The following SGCD variants were observed in gnomAD, a reference collection of about 807,000 sequenced individuals.
SGCD encodes the protein delta-sarcoglycan.
A neutral mutation model predicts 36.6 loss-of-function variants in SGCD; 18 were observed. The ratio of observed to expected loss-of-function variants is 0.49; its 90% CI spans 0.34 to 0.73. SGCD has a LOEUF of 0.73. Ranked by LOEUF, SGCD falls within the 30% of genes least tolerant of loss-of-function variation. The pLI is 0.01. For synonymous variants in SGCD, 133 were observed against 130.6 expected (o/e 1.02, Z -0.12); for missense variants, 387 against 346.7 (o/e 1.12, Z -0.92).
rs165953 is a variant in SGCD at position 155,873,076 on chromosome 5, G to T, written c.-282+2652G>T. Among the ~76,000 whole-genome samples, 9 of 151,904 alleles carry T rather than the reference G, an allele frequency of 5.9e-5. No homozygotes were observed. In the South Asian group the frequency reaches 8.3e-4, roughly 14 times the overall value. Reference sequence around the variant, plus strand: ...CACAATGTAGTTATTGCCCCTTCAGGTACCTGATCAAGGCTACAGTGCCCC... The same window carrying T: ...CACAATGTAGTTATTGCCCCTTCAGTTACCTGATCAAGGCTACAGTGCCCC... On this transcript the variant is annotated intron_variant, in intron 1 of 9. Coordinates refer to the SGCD transcript ENST00000517913.
chr5:155,844,707 A>C, the SGCD span, among the ~76,000 whole-genome samples: 2 of 152,134 alleles, frequency 1.3e-5, no homozygotes, highest in East Asian at 1.9e-4. Flanking sequence ...CATAGAATGG[A>C]ATACCGTATA....
the SGCD span, among the ~76,000 whole-genome samples, chr5:155,768,410 A>C: frequency 6.6e-6 from 1 of 151,996 alleles, no homozygotes; most frequent in Non-Finnish European, 1.5e-5. Flanking sequence ...TGTATTAGAC[A>C]CTGAGATACA....
Position 156,709,430 on chromosome 5 carries a change from G to T in SGCD, c.576-48151G>T, listed in dbSNP as rs184422368. On this transcript the variant is annotated intron_variant, in intron 7 of 8. Coordinates refer to ENST00000337851, the MANE Select transcript of SGCD (RefSeq NM_000337.6). ...ATGAGAGTAACTACATGCAAGTGAA[G>T]TACTTGCACAGAGTCACAATGGCTT... is the stretch of plus-strand genomic sequence containing the variant. 2.4e-4 allele frequency among the ~76,000 whole-genome samples: 36 copies of T among 152,310 alleles called. No individual in the cohort carries two copies. In the South Asian group the frequency reaches 3.9e-3, roughly 17 times the overall value.
upstream of SGCD, among the ~76,000 whole-genome samples, chr5:156,326,060 A>C (rs1381579029): frequency 1.3e-5 from 2 of 152,240 alleles, no homozygotes; most frequent in African/African-American, 4.8e-5. Context: ...TACCAAAAAC[A>C]GAAAAAAGAA....
chr5:156,019,803 A>G (rs1376337498), intron 1 of SGCD, among the ~76,000 whole-genome samples: 1 of 152,146 alleles, frequency 6.6e-6, no homozygotes, highest in Non-Finnish European at 1.5e-5. Context: ...TAGTGATCGT[A>G]TTATTTCTTT....
At chr5:156,094,407 G>A (rs1409545154) in intron 1 of SGCD, among the ~76,000 whole-genome samples, 2 of 152,130 alleles carry the variant, frequency 1.3e-5, no homozygotes, top group Admixed American at 6.5e-5. Flanking sequence ...CTAAGAGTTG[G>A]TGCCCGCTCC....
intron 1 of SGCD, among the ~76,000 whole-genome samples, chr5:156,059,008 A>C (rs1441737920): frequency 6.8e-6 from 1 of 145,994 alleles, no homozygotes; most frequent in East Asian, 1.9e-4. Flanking sequence ...AAAGAGAATT[A>C]TGCACTGCAA....
chr5:155,908,745 C>G (rs898665844), intron 1 of SGCD, among the ~76,000 whole-genome samples: 1 of 152,078 alleles, frequency 6.6e-6, no homozygotes, highest in Admixed American at 6.6e-5. Context: ...TAGATGACGT[C>G]ACTTTGGTTC....
At chr5:155,791,839 C>A in the SGCD span, among the ~76,000 whole-genome samples, 3 of 152,094 alleles carry the variant, frequency 2.0e-5, no homozygotes, top group Admixed American at 6.6e-5. Context: ...CTGCCCATAG[C>A]ATTTTACAGA....
chr5:156,671,412 A>G (rs919483722), intron 7 of SGCD, among the ~76,000 whole-genome samples: 3 of 151,640 alleles, frequency 2.0e-5, no homozygotes, highest in Middle Eastern at 3.4e-3. Flanking sequence ...AGCTGTGATT[A>G]CAAGCTCACA....
intron 1 of SGCD, among the ~76,000 whole-genome samples, chr5:156,040,339 A>G (rs931479411): frequency 6.6e-6 from 1 of 152,170 alleles, no homozygotes; most frequent in East Asian, 1.9e-4. Context: ...AATGTCCACT[A>G]TATTTTGTGT....
intron 6 of SGCD, among the ~76,000 whole-genome samples, chr5:156,619,717 A>T (rs1762169124): frequency 6.6e-6 from 1 of 152,208 alleles, no homozygotes; most frequent in Admixed American, 6.5e-5. Context: ...TGACAATGTG[A>T]ATAAGAAAAT....
intron 6 of SGCD, among the ~76,000 whole-genome samples, chr5:156,636,055 C>G (rs1243663374): frequency 6.6e-6 from 1 of 151,988 alleles, no homozygotes; most frequent in Non-Finnish European, 1.5e-5. Flanking sequence ...ATGGGGCTTT[C>G]TGTTGCAGGA....
At chr5:156,108,039 A>G (rs910846610) in intron 1 of SGCD, among the ~76,000 whole-genome samples, 4 of 152,094 alleles carry the variant, frequency 2.6e-5, no homozygotes, top group African/African-American at 9.7e-5. Flanking sequence ...ACATTTTATA[A>G]AAGGAATGAA....
intron 6 of SGCD, among the ~76,000 whole-genome samples, chr5:156,608,744 T>C (rs1305447733): frequency 3.3e-5 from 5 of 152,240 alleles, no homozygotes; most frequent in Non-Finnish European, 7.3e-5. Context: ...TGGGTGCCTA[T>C]ATATTTAGGA....
chr5:156,636,771 A>G (rs10068125), intron 6 of SGCD, among the ~76,000 whole-genome samples: 21,246 of 152,174 alleles, frequency 0.14, 1,998 homozygotes, highest in East Asian at 0.3. Flanking sequence ...AATAATCACT[A>G]AAAAGTGATT....
At chr5:156,283,127 T>A (rs1766498485) in intron 3 of SGCD, among the ~76,000 whole-genome samples, 1 of 152,140 alleles carries the variant, frequency 6.6e-6, no homozygotes. Context: ...ATAATAGGGA[T>A]GTTTAACTAA....
At chr5:156,242,901 G>A (rs1765340594) in intron 3 of SGCD, among the ~76,000 whole-genome samples, 1 of 152,160 alleles carries the variant, frequency 6.6e-6, no homozygotes, top group South Asian at 2.1e-4. Context: ...GTCCACATGG[G>A]GCAGCCAGAA....
In SGCD at chr5:156,102,433, A is replaced by G. The variant is rs140081910; in HGVS notation, c.-281-15445A>G. Among the ~76,000 whole-genome samples the G allele has an allele frequency of 8.6e-4, 131 of 152,182 alleles. 1 individual carries two copies. Among genetic ancestry groups the G allele is most frequent in the African/African-American group, 3.0e-3 (124 of 41,542 alleles). ...GGACATTGTTTAGTTGATTACCTAG[A>G]ATTTTTCAATATTTCTGAAAAAAAT... On this transcript the variant is annotated intron_variant, in intron 1 of 9. Coordinates refer to the SGCD transcript ENST00000517913.
Sources: allele counts gnomAD v4.1 joint callset (sites outside exome capture counted in the v4.1 genomes callset), GRCh38; gene constraint gnomAD v4.1.1; transcripts MANE v1.5; gene names NCBI Gene and HGNC (gene_info 2026-07-23, HGNC 2026-07-21).